PCDHGA10: variants seen among roughly 807,000 people sequenced by gnomAD.
The protein encoded by PCDHGA10 is protocadherin gamma subfamily A, 10, also known as protocadherin gamma-A10.
PCDHGA10 carries 42 observed loss-of-function variants against 59.5 expected under a neutral mutation model. The observed-to-expected ratio is 0.71, with a 90% confidence interval of 0.55 to 0.91. PCDHGA10 has a LOEUF of 0.91. PCDHGA10 is among the 40% of genes least tolerant of loss of function. The pLI, the probability that PCDHGA10 is intolerant of heterozygous loss-of-function variation, is 0.00. For missense variants in PCDHGA10, 1,111 were observed against 1,198.2 expected, an observed-to-expected ratio of 0.93 and a Z score of 1.07; for synonymous variants, 511 against 517.2, an observed-to-expected ratio of 0.99 and a Z score of 0.16.
At chr5:141,436,707 T>C (rs985035872) in intron 1 of PCDHGA10, among the ~76,000 whole-genome samples, 18 of 152,208 alleles carry the variant, frequency 1.2e-4, no homozygotes, top group African/African-American at 4.3e-4. Context: ...GCACACTCGA[T>C]GTTCTGTTGG....
intron 1 of PCDHGA10, among the ~76,000 whole-genome samples, chr5:141,433,653 T>C (rs1030084681): frequency 6.6e-6 from 1 of 152,024 alleles, no homozygotes; most frequent in Non-Finnish European, 1.5e-5. Flanking sequence ...CTGACCAACA[T>C]GGAGAAACCC....
At chr5:141,415,740 G>GTTTTTTTTTTTTTTTGT (rs2095912649) in intron 1 of PCDHGA10, 129 bp downstream of exon 1, 1 of 515,998 alleles carries the variant, frequency 1.9e-6, no homozygotes, top group Non-Finnish European at 2.6e-6. Flanking sequence ...GTTTATTAAG[G>GTTTTTTTTTTTTTTTGT]TTTTTTTTTT....
chr5:141,461,255 G>A (rs1466460215), intron 1 of PCDHGA10, among the ~76,000 whole-genome samples: 1 of 152,098 alleles, frequency 6.6e-6, no homozygotes. Flanking sequence ...ATTCCCAGCA[G>A]CAATGTGTAA....
chr5:141,428,587 G>C (rs914718913), intron 1 of PCDHGA10: 6 of 226,650 alleles, frequency 2.6e-5, no homozygotes, highest in Non-Finnish European at 5.3e-5. Flanking sequence ...AGTTTCTCTG[G>C]TAGCAAGCTT....
Position 141,426,915 on chromosome 5 carries a change from G to A in PCDHGA10, c.2436+11304G>A, listed in dbSNP as rs143411146. On this transcript the variant is annotated intron_variant, in intron 1 of 3. Coordinates refer to ENST00000398610, the MANE Select transcript of PCDHGA10 (RefSeq NM_018913.3). ...ACAGAGCTCTCATCTCCTGGTCCTG[G>A]AAGCAATGGACATGGGTGACCCAGT... 1,737 of 456,738 alleles carry A rather than the reference G, an allele frequency of 3.8e-3. 17 individuals carry two copies. Among genetic ancestry groups the A allele is most frequent in the Admixed American group, 0.01 (426 of 42,586 alleles). The allele number at this position is 456,738 out of a possible 1,614,324, so 28.3% of individuals were successfully genotyped here.
intron 1 of PCDHGA10, among the ~76,000 whole-genome samples, chr5:141,469,490 G>A (rs1346871954): frequency 3.3e-5 from 5 of 152,146 alleles, no homozygotes; most frequent in East Asian, 3.9e-4. Context: ...CAGGAGAATC[G>A]CTTGAACCCG....
chr5:141,423,338 T>A, intron 1 of PCDHGA10: 1 of 1,614,150 alleles, frequency 6.2e-7, no homozygotes, highest in Middle Eastern at 1.6e-4. Flanking sequence ...GTCTCCTGCA[T>A]CTTCCTGGTC....
chr5:141,511,140 C>T lies in PCDHGA10; in HGVS notation c.2778C>T (p.Asn926=). Reference sequence around the variant, plus strand: ...AGGCCCCAGCAGGTGGCAATGGCAACAAGAAGAAGTCGGGCAAGAAGGAGA... The same window carrying T: ...AGGCCCCAGCAGGTGGCAATGGCAATAAGAAGAAGTCGGGCAAGAAGGAGA... ...DGKAPAGGNG[N]KKKSGKKEKK is the part of the protein sequence containing the mutation. Residue 926 remains asparagine (N), a synonymous_variant, in exon 4 of 4, where the codon AAC becomes AAT. Transcript: ENST00000398610. The T allele has an allele frequency of 1.2e-6, 2 of 1,614,186 alleles. No homozygotes were observed. The highest frequency in any genetic ancestry group is 1.3e-5 in the African/African-American group (1 of 75,050).
chr5:141,439,459 A>T (rs558086952), intron 1 of PCDHGA10, among the ~76,000 whole-genome samples: 1 of 152,340 alleles, frequency 6.6e-6, no homozygotes, highest in African/African-American at 2.4e-5. Flanking sequence ...GCAAGACTGC[A>T]CTGCTGCCTT....
intron 1 of PCDHGA10, among the ~76,000 whole-genome samples, chr5:141,464,019 C>A (rs1285414825): frequency 2.0e-5 from 3 of 151,984 alleles, no homozygotes; most frequent in African/African-American, 4.8e-5. Context: ...TAATCCCACA[C>A]TTTGGGAGGC....
chr5:141,507,525 A>T (rs1053801558), intron 3 of PCDHGA10, among the ~76,000 whole-genome samples: 1 of 152,000 alleles, frequency 6.6e-6, no homozygotes, highest in Non-Finnish European at 1.5e-5. Context: ...ATGATTCCAG[A>T]GAGGCCAGAG....
chr5:141,464,530 T>C (rs375523203), intron 1 of PCDHGA10, among the ~76,000 whole-genome samples: 1 of 152,108 alleles, frequency 6.6e-6, no homozygotes, highest in African/African-American at 2.4e-5. Flanking sequence ...TATGTAGTTT[T>C]GTTAAATATA....
intron 1 of PCDHGA10, chr5:141,421,945 A>T: frequency 2.5e-6 from 4 of 1,613,342 alleles, no homozygotes; most frequent in Non-Finnish European, 3.4e-6. Context: ...AAATGATCAC[A>T]TCCCAATGTT....
intron 1 of PCDHGA10, among the ~76,000 whole-genome samples, chr5:141,446,739 T>A (rs1292920572): frequency 2.6e-5 from 4 of 152,180 alleles, no homozygotes; most frequent in African/African-American, 7.2e-5. Flanking sequence ...AGTGTGGGGA[T>A]TACAGGCGTG....
Position 141,512,738 on chromosome 5 carries a change from C to A in PCDHGA10, c.*1565C>A, listed in dbSNP as rs1350606944. 2 of 152,840 alleles carry A rather than the reference C, an allele frequency of 1.3e-5. No individual in the cohort carries two copies. The highest frequency in any genetic ancestry group is 2.1e-4 in the South Asian group (1 of 4,838). The allele number at this position is 152,840 out of a possible 1,614,324, so 9.5% of individuals were successfully genotyped here. A position where few individuals can be genotyped will look rare whatever the true frequency, so the allele number is the denominator to read the frequency against. On this transcript the variant is annotated 3_prime_UTR_variant, in exon 4 of 4. Transcript: ENST00000398610. ...TGGCGGGTGGGCAGCGGGCGGCGGG[C>A]TCCGCGCAGCCGTCTGTCCTTGATC...
intron 1 of PCDHGA10, chr5:141,427,536 G>A (rs758610182): frequency 4.8e-6 from 3 of 626,396 alleles, no homozygotes; most frequent in Middle Eastern, 2.5e-4. Flanking sequence ...GGAGTACAAC[G>A]TCACCATCAC....
rs760575047 is a variant in PCDHGA10 at position 141,493,887 on chromosome 5, G to A, written c.2437-920G>A. Among the ~76,000 whole-genome samples the A allele has an allele frequency of 1.3e-5, 2 of 152,184 alleles. No individual in the cohort carries two copies. The highest frequency in any genetic ancestry group is 2.4e-5 in the African/African-American group (1 of 41,448). On this transcript the variant is annotated intron_variant, in intron 1 of 3. Coordinates refer to ENST00000398610, the MANE Select transcript of PCDHGA10 (RefSeq NM_018913.3). The surrounding 1 kb of genome is among the most constrained non-coding windows in gnomAD (Gnocchi z 4.3). Reference sequence around the variant, plus strand: ...AGAACCAGTGAGGAGGTGGCTCTAGGAGTGCTCCATGAGAGTGTGTGATGG... The same window carrying A: ...AGAACCAGTGAGGAGGTGGCTCTAGAAGTGCTCCATGAGAGTGTGTGATGG...
chr5:141,491,291 C>T lies in PCDHGA10; in HGVS notation c.2437-3516C>T. 1 of 1,614,152 alleles carries T rather than the reference C, an allele frequency of 6.2e-7. No homozygotes were observed. The highest frequency in any genetic ancestry group is 8.5e-7 in the Non-Finnish European group (1 of 1,179,974). On this transcript the variant is annotated intron_variant, in intron 1 of 3. Coordinates refer to ENST00000398610, the MANE Select transcript of PCDHGA10 (RefSeq NM_018913.3). This position sits in a 1 kb window ranked among gnomAD's most constrained non-coding sequence, Gnocchi z 6.9. The stretch of plus-strand genomic sequence containing the variant: ...AAATCCAGTGACTTCCTCATACACC[C>T]TCCTGAGCGTTCAGACCTTACCCTT...
At position 141,489,437 on chromosome 5, in the gene PCDHGA10, T is replaced by C; in HGVS notation, c.2437-5370T>C. The C allele has an allele frequency of 6.2e-7, 1 of 1,614,110 alleles. No individual in the cohort carries two copies. Among genetic ancestry groups the C allele is most frequent in the Non-Finnish European group, 8.5e-7 (1 of 1,180,020 alleles). ...GATCTGTTGAGCCGGCGGCTGCAATTGGGCTCTGAGGAGAATGGGCGCTAT... is the reference window on the plus strand; with the variant it reads ...GATCTGTTGAGCCGGCGGCTGCAATCGGGCTCTGAGGAGAATGGGCGCTAT... On this transcript the variant is annotated intron_variant, in intron 1 of 3. Transcript: ENST00000398610. This position sits in a 1 kb window ranked among gnomAD's most constrained non-coding sequence, Gnocchi z 4.5.
Sources: allele counts gnomAD v4.1 joint callset (sites outside exome capture counted in the v4.1 genomes callset), GRCh38; gene constraint gnomAD v4.1.1; non-coding constraint Gnocchi (gnomAD v3.1); transcripts MANE v1.5; gene names NCBI Gene and HGNC (gene_info 2026-07-23, HGNC 2026-07-21).